The following PTPRG variants were observed in gnomAD, a reference collection of about 807,000 sequenced individuals.
The protein encoded by PTPRG is protein tyrosine phosphatase receptor type G.
A neutral mutation model predicts 165.3 loss-of-function variants in PTPRG; 102 were observed. That is an observed-to-expected ratio of 0.62 (90% confidence interval 0.53 to 0.73). The LOEUF is 0.73. Among genes scored for constraint, PTPRG ranks in the 30% least tolerant of loss-of-function variants. The pLI is 0.00. For missense variants in PTPRG, 1,866 were observed against 1,861.4 expected, an observed-to-expected ratio of 1.00 and a Z score of -0.05; for synonymous variants, 675 against 669.5, an observed-to-expected ratio of 1.01 and a Z score of -0.13.
chr3:61,993,952 G>C (rs1192508960), intron 3 of PTPRG, among the ~76,000 whole-genome samples: 1 of 152,174 alleles, frequency 6.6e-6, no homozygotes, highest in African/African-American at 2.4e-5. Flanking sequence ...TCCCCTGAGA[G>C]TGCTATATAT....
Position 62,203,682 on chromosome 3 carries a change from T to A in PTPRG, c.1887T>A (p.Ser629=). The A allele has an allele frequency of 7.6e-6, 12 of 1,569,298 alleles. No homozygotes were observed. Among genetic ancestry groups the A allele is most frequent in the Non-Finnish European group, 9.5e-6 (11 of 1,156,596 alleles). The change falls in exon 12 of 30, where the codon TCT becomes TCA. Residue 629 remains serine (S), a synonymous_variant. Coordinates refer to ENST00000474889, the MANE Select transcript of PTPRG (RefSeq NM_002841.4). This position sits in a 1 kb window ranked among gnomAD's most constrained non-coding sequence, Gnocchi z 6.4. Reference sequence around the variant, plus strand: ...CGGAGCCCAGCCCCACACCCTCGTCTCCTAACAGGACTGCCGAGGGAGGGC... The same window carrying A: ...CGGAGCCCAGCCCCACACCCTCGTCACCTAACAGGACTGCCGAGGGAGGGC... ...NQTEPSPTPS[S]PNRTAEGGHQ...
intron 1 of PTPRG, among the ~76,000 whole-genome samples, chr3:61,623,890 A>G (rs531237409): frequency 6.6e-6 from 1 of 152,310 alleles, no homozygotes; most frequent in South Asian, 2.1e-4. Flanking sequence ...GTCTATTTCT[A>G]AATTTTACTG....
intron 4 of PTPRG, among the ~76,000 whole-genome samples, chr3:62,004,322 A>C (rs551426911): frequency 6.6e-6 from 1 of 152,182 alleles, no homozygotes; most frequent in Non-Finnish European, 1.5e-5. Context: ...AACCTGCCCA[A>C]TAGTCCTATA....
rs1700805837 is a variant in PTPRG at position 62,228,046 on chromosome 3, T to C, written c.2289-3179T>C. ...TTGCCAGTCTCTGCCCTCCCCGCTA[T>C]TCCCTGCCTGTTTGGCCCCTGTGGG... On this transcript the variant is annotated intron_variant, in intron 13 of 29. Coordinates refer to ENST00000474889, the MANE Select transcript of PTPRG (RefSeq NM_002841.4). The surrounding 1 kb of genome is among the most constrained non-coding windows in gnomAD (Gnocchi z 4.1). Among the ~76,000 whole-genome samples the C allele has an allele frequency of 6.6e-6, 1 of 152,062 alleles. No homozygotes were observed. Among genetic ancestry groups the C allele is most frequent in the Non-Finnish European group, 1.5e-5 (1 of 67,984 alleles).
At chr3:61,625,160 C>T (rs1701572114) in intron 1 of PTPRG, among the ~76,000 whole-genome samples, 1 of 151,760 alleles carries the variant, frequency 6.6e-6, no homozygotes, top group South Asian at 2.1e-4. Flanking sequence ...TGTAAGGACC[C>T]TATCTCTAAG....
chr3:61,983,840 A>G (rs1208882562), intron 2 of PTPRG, among the ~76,000 whole-genome samples: 4 of 152,132 alleles, frequency 2.6e-5, no homozygotes, highest in Non-Finnish European at 5.9e-5. Flanking sequence ...GGACTTTTCA[A>G]GTAGTATTGC....
chr3:61,825,683 C>T (rs1014705394), intron 2 of PTPRG, among the ~76,000 whole-genome samples: 4 of 151,592 alleles, frequency 2.6e-5, no homozygotes, highest in African/African-American at 9.7e-5. Flanking sequence ...CTCGCTGTGT[C>T]ACCCAGGCTG....
intron 12 of PTPRG, among the ~76,000 whole-genome samples, chr3:62,206,549 G>A (rs1250959680): frequency 6.6e-6 from 1 of 152,128 alleles, no homozygotes; most frequent in Non-Finnish European, 1.5e-5. Context: ...CACAATGATG[G>A]TGACTGTGAG....
intron 16 of PTPRG, among the ~76,000 whole-genome samples, chr3:62,259,362 CCA>C (rs1701626741): frequency 6.6e-6 from 1 of 152,008 alleles, no homozygotes; most frequent in Admixed American, 6.6e-5. Context: ...ATGTCTTGGG[CCA>C]CACATAAAAT....
At chr3:61,738,260 A>T (rs2056484) in intron 1 of PTPRG, among the ~76,000 whole-genome samples, 25 of 32,618 alleles carry the variant, frequency 7.7e-4, no homozygotes, top group South Asian at 2.1e-3. Context: ...GTCCATTTTT[A>T]TATATATATA....
At chr3:62,052,878 T>C (rs1038528220) in intron 4 of PTPRG, among the ~76,000 whole-genome samples, 1 of 152,184 alleles carries the variant, frequency 6.6e-6, no homozygotes, top group Non-Finnish European at 1.5e-5. Flanking sequence ...TCTGTATTTA[T>C]TTACATGTTG....
At chr3:62,000,139 C>G (rs1305570608) in intron 3 of PTPRG, among the ~76,000 whole-genome samples, 1 of 151,930 alleles carries the variant, frequency 6.6e-6, no homozygotes, top group African/African-American at 2.4e-5. Context: ...CCTGTCTCTA[C>G]TAAAAATACA....
intron 4 of PTPRG, among the ~76,000 whole-genome samples, chr3:62,046,877 C>T (rs74371659): frequency 0.011 from 1,693 of 152,316 alleles, 17 homozygotes; most frequent in Non-Finnish European, 0.02. Context: ...GTAACAACTA[C>T]TACCATTTAT....
chr3:62,270,454 A>T (rs953599568), intron 20 of PTPRG, among the ~76,000 whole-genome samples: 4 of 152,190 alleles, frequency 2.6e-5, no homozygotes, highest in South Asian at 2.1e-4. Context: ...ATGATCAATA[A>T]CCAGCAAAAA....
At chr3:62,256,578 G>C (rs1701541719) in intron 16 of PTPRG, among the ~76,000 whole-genome samples, 1 of 152,212 alleles carries the variant, frequency 6.6e-6, no homozygotes, top group African/African-American at 2.4e-5. Context: ...TTGTATTCAT[G>C]AGGACAGCAA....
At chr3:61,678,782 T>C (rs1703325464) in intron 1 of PTPRG, among the ~76,000 whole-genome samples, 2 of 152,178 alleles carry the variant, frequency 1.3e-5, no homozygotes, top group Admixed American at 1.3e-4. Flanking sequence ...ACTCTTTCTA[T>C]TGGTTGTTTG....
At chr3:62,129,587 C>T (rs1323267895) in intron 5 of PTPRG, among the ~76,000 whole-genome samples, 1 of 152,146 alleles carries the variant, frequency 6.6e-6, no homozygotes, top group Non-Finnish European at 1.5e-5. Context: ...GGGGGCCAAA[C>T]TCACTTTTAT....
In PTPRG at chr3:61,685,943, C is replaced by T. The variant is rs541649969; in HGVS notation, c.86-62935C>T. On this transcript the variant is annotated intron_variant, in intron 1 of 29. Coordinates refer to ENST00000474889, the MANE Select transcript of PTPRG (RefSeq NM_002841.4). ...GTGTCAGATTTCTTATTGCCGTGTTCTCTTTTGAGCTTGGAAAGATTAGTT... is the reference window on the plus strand; with the variant it reads ...GTGTCAGATTTCTTATTGCCGTGTTTTCTTTTGAGCTTGGAAAGATTAGTT... Among the ~76,000 whole-genome samples the T allele has an allele frequency of 4.1e-4, 62 of 152,200 alleles. No individual in the cohort carries two copies. In the Middle Eastern group the frequency reaches 0.01, roughly 25 times the overall value.
intron 1 of PTPRG, among the ~76,000 whole-genome samples, chr3:61,671,491 G>C (rs1036487497): frequency 6.6e-6 from 1 of 150,530 alleles, no homozygotes; most frequent in African/African-American, 2.4e-5. Flanking sequence ...CAAGGCAGAA[G>C]AATTTTTCTT....
Sources: allele counts gnomAD v4.1 joint callset (sites outside exome capture counted in the v4.1 genomes callset), GRCh38; gene constraint gnomAD v4.1.1; non-coding constraint Gnocchi (gnomAD v3.1); transcripts MANE v1.5; gene names NCBI Gene and HGNC (gene_info 2026-07-23, HGNC 2026-07-21).